The following TSNARE1 variants were observed in gnomAD, a reference collection of about 807,000 sequenced individuals.
TSNARE1 encodes the protein t-SNARE domain containing 1.
TSNARE1 carries 49 observed loss-of-function variants against 62.0 expected under a neutral mutation model. The observed-to-expected ratio is 0.79, with a 90% CI of 0.63 to 1.00. The LOEUF (loss-of-function observed/expected upper bound fraction) is 1.00. Among genes scored for constraint, TSNARE1 ranks in the 50% least tolerant of loss-of-function variants. The probability of loss-of-function intolerance (pLI) is 0.00; values close to 1 mark genes in which losing one functional copy is unlikely to be tolerated. For synonymous variants in TSNARE1, 328 were observed against 294.4 expected, an observed-to-expected ratio of 1.11 and a Z score of -1.17; for missense variants, 755 against 700.1, an observed-to-expected ratio of 1.08 and a Z score of -0.88.
chr8:142,215,896 C>A (rs1364431632), intron 13 of TSNARE1, among the ~76,000 whole-genome samples: 1 of 152,240 alleles, frequency 6.6e-6, no homozygotes, highest in African/African-American at 2.4e-5. Context: ...TCCGCCTGCA[C>A]CCCAGGCTGG....
At chr8:142,297,716 G>A (rs1023352153) in intron 10 of TSNARE1, among the ~76,000 whole-genome samples, 2 of 152,212 alleles carry the variant, frequency 1.3e-5, no homozygotes, top group Non-Finnish European at 1.5e-5. Flanking sequence ...TGCGACCTCC[G>A]CTGCGTCACA....
chr8:142,272,750 C>G lies in TSNARE1; in HGVS notation c.1446+2031G>C, dbSNP rs1466882633. 1.5e-4 allele frequency: 142 copies of G among 969,386 alleles called. No homozygotes were observed. The Middle Eastern group carries it at 1.6e-3, about 11-fold the overall frequency. The allele number at this position is 969,386 out of a possible 1,614,324, so 60.0% of individuals were successfully genotyped here. On this transcript the variant is annotated intron_variant, in intron 12 of 13. Coordinates refer to ENST00000524325, the MANE Select transcript of TSNARE1 (RefSeq NM_145003.5). ...GGGGAGGGCCCCTTGCAGGTAGGAG[C>G]AGGACATTCTACGCAGAGGCGACTT... is the stretch of plus-strand genomic sequence containing the variant.
At chr8:142,310,654 T>G (rs931292962) in intron 9 of TSNARE1, among the ~76,000 whole-genome samples, 1 of 152,222 alleles carries the variant, frequency 6.6e-6, no homozygotes, top group African/African-American at 2.4e-5. Context: ...ACATTTCCAC[T>G]GTCTTCTGGA....
At chr8:142,239,667 G>A (rs993779782) in intron 12 of TSNARE1, among the ~76,000 whole-genome samples, 9 of 152,222 alleles carry the variant, frequency 5.9e-5, no homozygotes, top group African/African-American at 1.4e-4. Flanking sequence ...AACAGGAAGC[G>A]TTAATGGAGT....
intron 12 of TSNARE1, among the ~76,000 whole-genome samples, chr8:142,255,986 CCACCGT>C (rs1818494108): frequency 2.5e-5 from 1 of 39,712 alleles, no homozygotes; most frequent in Non-Finnish European, 6.2e-5. Flanking sequence ...ACCACCACCA[CCACCGT>C]CACCATCACC....
intron 12 of TSNARE1, among the ~76,000 whole-genome samples, chr8:142,236,670 G>A (rs1207977692): frequency 6.6e-6 from 1 of 152,064 alleles, no homozygotes; most frequent in Non-Finnish European, 1.5e-5. Context: ...CCACACAGAT[G>A]AGCTCATCCC....
chr8:142,261,233 G>C (rs540990247), intron 12 of TSNARE1, among the ~76,000 whole-genome samples: 2 of 125,536 alleles, frequency 1.6e-5, no homozygotes, highest in African/African-American at 6.2e-5. Context: ...GAGAAGGGAA[G>C]AGGGAGAGAA....
chr8:142,330,807 C>A, intron 6 of TSNARE1, 94 bp downstream of exon 6: 1 of 1,321,674 alleles, frequency 7.6e-7, no homozygotes, highest in South Asian at 1.2e-5. Context: ...GCTGTGTGGA[C>A]AAAGCCCGTG....
chr8:142,299,749 CAT>C (rs1047244526), intron 10 of TSNARE1, among the ~76,000 whole-genome samples: 270 of 152,358 alleles, frequency 1.8e-3, no homozygotes, highest in African/African-American at 5.9e-3. Flanking sequence ...TGCACACACA[CAT>C]GCATACGTGC....
At chr8:142,277,840 G>C in intron 11 of TSNARE1, 3 of 985,340 alleles carry the variant, frequency 3.0e-6, no homozygotes, top group Non-Finnish European at 3.6e-6. Flanking sequence ...GCAGCCTCCA[G>C]GGCTGAGGAC....
rs369381032 is a variant in TSNARE1 at position 142,268,211 on chromosome 8, C to T, written c.1446+6570G>A. On this transcript the variant is annotated intron_variant, in intron 12 of 13. Transcript: ENST00000524325. ...CATGGACAGCCATCTGCTGTCCTGGCCATGCTCCTGCCTGGCCTCTCGGCA... is the reference window on the plus strand; with the variant it reads ...CATGGACAGCCATCTGCTGTCCTGGTCATGCTCCTGCCTGGCCTCTCGGCA... Among the ~76,000 whole-genome samples the T allele has an allele frequency of 5.3e-5, 8 of 152,346 alleles. No homozygotes were observed. In the East Asian group the frequency reaches 1.5e-3, roughly 29 times the overall value.
intron 12 of TSNARE1, among the ~76,000 whole-genome samples, chr8:142,242,211 C>T (rs113498229): frequency 4.1e-5 from 5 of 122,160 alleles, no homozygotes; most frequent in African/African-American, 1.7e-4. Flanking sequence ...ACATGTGAGA[C>T]CTAAAACTCT....
At chr8:142,214,793 C>T (rs971932374) in intron 13 of TSNARE1, among the ~76,000 whole-genome samples, 3 of 152,204 alleles carry the variant, frequency 2.0e-5, no homozygotes, top group Admixed American at 6.5e-5. Context: ...CCCTCCGCCA[C>T]GTGAGGATGT....
chr8:142,337,710 G>A (rs940400511), intron 4 of TSNARE1, among the ~76,000 whole-genome samples: 1 of 152,190 alleles, frequency 6.6e-6, no homozygotes, highest in Non-Finnish European at 1.5e-5. Context: ...CTGCGACACC[G>A]CAGCCCCACC....
intron 4 of TSNARE1, among the ~76,000 whole-genome samples, chr8:142,339,060 A>G (rs1231111993): frequency 6.6e-6 from 1 of 152,082 alleles, no homozygotes; most frequent in African/African-American, 2.4e-5. Flanking sequence ...TCATCTGGTG[A>G]TGGACAGACG....
intron 12 of TSNARE1, among the ~76,000 whole-genome samples, chr8:142,271,845 G>A (rs1053024801): frequency 2.0e-5 from 3 of 152,174 alleles, no homozygotes; most frequent in South Asian, 4.1e-4. Context: ...AGTTGCACCC[G>A]TTTGAGAGAT....
Position 142,364,340 on chromosome 8 carries a change from G to A in TSNARE1, c.-39-9577C>T, listed in dbSNP as rs575892567. On this transcript the variant is annotated intron_variant, in intron 1 of 13. Coordinates refer to ENST00000524325, the MANE Select transcript of TSNARE1 (RefSeq NM_145003.5). ...TCGATTAGAACTTGGAGGAGTCAGC[G>A]TGAATTCATAGTTTTTAAGATGCAC... is the stretch of plus-strand genomic sequence containing the variant. Among the ~76,000 whole-genome samples the A allele has an allele frequency of 7.2e-5, 11 of 152,350 alleles. No individual in the cohort carries two copies. The South Asian group carries it at 2.3e-3, about 32-fold the overall frequency.
intron 13 of TSNARE1, among the ~76,000 whole-genome samples, chr8:142,222,915 T>C (rs199946431): frequency 1.5e-4 from 4 of 26,732 alleles, no homozygotes; most frequent in South Asian, 1.1e-3. Flanking sequence ...CATCCACTCA[T>C]TCACTCATTC....
chr8:142,219,320 CGAG>C (rs1298828556), intron 13 of TSNARE1, among the ~76,000 whole-genome samples: 1 of 152,058 alleles, frequency 6.6e-6, no homozygotes, highest in Admixed American at 6.5e-5. Flanking sequence ...CAGGAGATGA[CGAG>C]GAGGGAGGGG....
Sources: gnomAD v4.1 joint callset for allele counts (sites outside exome capture counted in the v4.1 genomes callset) on GRCh38, gnomAD v4.1.1 for gene constraint, MANE v1.5 for transcripts, NCBI Gene and HGNC (gene_info 2026-07-23, HGNC 2026-07-21) for gene names.